Variants in DPP6 observed in about 807,000 individuals in gnomAD.
The protein encoded by DPP6 is dipeptidyl peptidase like 6.
A neutral mutation model predicts 122.6 loss-of-function variants in DPP6; 69 were observed. That is an observed-to-expected ratio of 0.56 (90% CI 0.46 to 0.69). The LOEUF (loss-of-function observed/expected upper bound fraction) is 0.69, where lower values mean the gene tolerates loss of function less well. Among genes scored for constraint, DPP6 ranks in the 30% least tolerant of loss-of-function variants. The pLI, the probability that DPP6 is intolerant of heterozygous loss-of-function variation, is 0.00. For synonymous variants in DPP6, 418 were observed against 433.1 expected (o/e 0.97, Z 0.43); for missense variants, 928 against 1,116.9 (o/e 0.83, Z 2.41).
the DPP6 span, among the ~76,000 whole-genome samples, chr7:153,820,372 A>C: frequency 1.3e-5 from 2 of 152,248 alleles, no homozygotes; most frequent in African/African-American, 2.4e-5. Context: ...AGAAAATAGT[A>C]GTTTCTTTCT....
chr7:154,640,166 C>T (rs1331310381), intron 6 of DPP6, among the ~76,000 whole-genome samples: 8 of 152,066 alleles, frequency 5.3e-5, no homozygotes, highest in Admixed American at 6.6e-5. Flanking sequence ...GCAGGAGAAT[C>T]GCTTGAACCT....
intron 3 of DPP6, among the ~76,000 whole-genome samples, chr7:154,498,985 A>G (rs780034367): frequency 1.3e-5 from 2 of 152,162 alleles, no homozygotes; most frequent in African/African-American, 2.4e-5. Flanking sequence ...TAGGCAGGTG[A>G]GTTTGTTGGC....
intron 7 of DPP6, among the ~76,000 whole-genome samples, chr7:154,701,613 CAT>C (rs1431323746): frequency 6.6e-6 from 1 of 152,198 alleles, no homozygotes; most frequent in Non-Finnish European, 1.5e-5. Flanking sequence ...ACTGCCATAT[CAT>C]TGCTTCACTC....
chr7:154,654,988 C>T (rs568481833), intron 6 of DPP6, among the ~76,000 whole-genome samples: 5 of 152,114 alleles, frequency 3.3e-5, no homozygotes, highest in Non-Finnish European at 7.4e-5. Flanking sequence ...ATTAATCCAC[C>T]CATCCACTAA....
intron 5 of DPP6, among the ~76,000 whole-genome samples, chr7:154,623,810 C>A (rs1834892816): frequency 6.6e-6 from 1 of 152,206 alleles, no homozygotes; most frequent in Admixed American, 6.5e-5. Context: ...CTATGTATAG[C>A]ATTTAATTGA....
chr7:154,285,391 A>T (rs1047365250), intron 1 of DPP6, among the ~76,000 whole-genome samples: 1 of 151,984 alleles, frequency 6.6e-6, no homozygotes, highest in Non-Finnish European at 1.5e-5. Flanking sequence ...CAGCCTCCCA[A>T]GTAGCTTGGA....
intron 5 of DPP6, among the ~76,000 whole-genome samples, chr7:154,610,104 G>C (rs768729006): frequency 6.6e-6 from 1 of 152,142 alleles, no homozygotes; most frequent in Non-Finnish European, 1.5e-5. Context: ...AATAGTCTCT[G>C]ACCCCTGGAA....
chr7:154,759,509 A>G (rs569699865), intron 8 of DPP6, among the ~76,000 whole-genome samples: 2 of 152,346 alleles, frequency 1.3e-5, no homozygotes, highest in Admixed American at 1.3e-4. Flanking sequence ...GGCAGAGGCC[A>G]CTGTGCGGTC....
At chr7:154,305,361 C>G (rs1178905959) in intron 1 of DPP6, 1 of 1,060,720 alleles carries the variant, frequency 9.4e-7, no homozygotes, top group Non-Finnish European at 1.1e-6. Flanking sequence ...CCCATCCTCC[C>G]CAAAATAGCC....
At chr7:154,154,049 A>G (rs1266914013) in intron 1 of DPP6, among the ~76,000 whole-genome samples, 1 of 152,242 alleles carries the variant, frequency 6.6e-6, no homozygotes, top group African/African-American at 2.4e-5. Flanking sequence ...AATTCCCATC[A>G]GCCAGGAGGT....
intron 1 of DPP6, among the ~76,000 whole-genome samples, chr7:154,154,782 T>C (rs1230647334): frequency 5.3e-5 from 8 of 152,250 alleles, no homozygotes; most frequent in Admixed American, 4.6e-4. Context: ...CATACATGCA[T>C]GTACACACAC....
At chr7:154,770,232 C>T (rs982225222) in intron 9 of DPP6, among the ~76,000 whole-genome samples, 2 of 152,128 alleles carry the variant, frequency 1.3e-5, no homozygotes, top group Admixed American at 6.5e-5. Flanking sequence ...GGAGGCCTCA[C>T]GATCATGTCA....
the DPP6 span, among the ~76,000 whole-genome samples, chr7:153,779,078 C>T: frequency 6.8e-6 from 1 of 147,320 alleles, no homozygotes; most frequent in South Asian, 2.1e-4. Context: ...AAGCCACAAT[C>T]AAAAAGCTAT....
At chr7:153,766,958 C>T in the DPP6 span, among the ~76,000 whole-genome samples, 2 of 151,946 alleles carry the variant, frequency 1.3e-5, no homozygotes, top group African/African-American at 4.8e-5. Context: ...TATGAGTTAC[C>T]ATTCTATGGG....
At chr7:153,880,715 C>A in the DPP6 span, among the ~76,000 whole-genome samples, 5 of 152,186 alleles carry the variant, frequency 3.3e-5, no homozygotes, top group Non-Finnish European at 5.9e-5. Flanking sequence ...AAAAGACACA[C>A]TGAGCTGGAT....
chr7:154,103,665 T>C (rs1405377179), intron 1 of DPP6, among the ~76,000 whole-genome samples: 1 of 152,250 alleles, frequency 6.6e-6, no homozygotes, highest in African/African-American at 2.4e-5. Flanking sequence ...CCATCCTCAG[T>C]GTGGGTGGGC....
At chr7:154,551,400 G>T (rs1015247793) in intron 4 of DPP6, among the ~76,000 whole-genome samples, 1 of 152,220 alleles carries the variant, frequency 6.6e-6, no homozygotes, top group East Asian at 1.9e-4. Flanking sequence ...ATAGATGATT[G>T]CTCTGAGCTC....
intron 1 of DPP6, among the ~76,000 whole-genome samples, chr7:153,967,864 TGAGTCCTA>T (rs1339864629): frequency 1.3e-5 from 2 of 151,900 alleles, no homozygotes; most frequent in Non-Finnish European, 2.9e-5. Flanking sequence ...GCTGAGTTAG[TGAGTCCTA>T]TCTGTAAAGG....
At chr7:154,330,276 C>A (rs1022026414) in intron 1 of DPP6, among the ~76,000 whole-genome samples, 4 of 152,124 alleles carry the variant, frequency 2.6e-5, no homozygotes, top group Non-Finnish European at 5.9e-5. Flanking sequence ...ATTGAGATCA[C>A]CACAGATGGC....
Sources: gnomAD v4.1 joint callset for allele counts (sites outside exome capture counted in the v4.1 genomes callset) on GRCh38, gnomAD v4.1.1 for gene constraint, MANE v1.5 for transcripts, NCBI Gene and HGNC (gene_info 2026-07-23, HGNC 2026-07-21) for gene names.